DENND5B: variants seen among roughly 807,000 people sequenced by gnomAD.
DENND5B encodes the protein DENN domain containing 5B, also known as DENN domain-containing protein 5B.
A neutral mutation model predicts 140.6 loss-of-function variants in DENND5B; 34 were observed. The observed-to-expected ratio is 0.24, with a 90% confidence interval of 0.18 to 0.32. DENND5B has a LOEUF of 0.32. Ranked by LOEUF, DENND5B falls within the 10% of genes least tolerant of loss-of-function variation. DENND5B has a pLI of 1.00. For synonymous variants in DENND5B, 551 were observed against 562.1 expected (o/e 0.98, Z 0.28); for missense variants, 1,142 against 1,560.2 (o/e 0.73, Z 4.52).
intron 1 of DENND5B, among the ~76,000 whole-genome samples, chr12:31,521,273 G>GGGTGT (rs571378374): frequency 6.6e-6 from 1 of 151,854 alleles, no homozygotes; most frequent in Non-Finnish European, 1.5e-5. Flanking sequence ...ACATTCTGTG[G>GGGTGT]GGTGTGCAGA....
intron 1 of DENND5B, among the ~76,000 whole-genome samples, chr12:31,576,156 A>AAAAAAAG (rs1555176281): frequency 6.1e-5 from 8 of 131,178 alleles, no homozygotes; most frequent in East Asian, 2.3e-4. Flanking sequence ...AAAAAAAAAA[A>AAAAAAAG]AAGAAGAATG....
intron 6 of DENND5B, among the ~76,000 whole-genome samples, chr12:31,444,694 T>A (rs753649585): frequency 2.6e-5 from 4 of 152,200 alleles, no homozygotes; most frequent in Admixed American, 6.5e-5. Context: ...ATCTAAAAAA[T>A]TCCATCAGGA....
intron 1 of DENND5B, among the ~76,000 whole-genome samples, chr12:31,555,530 G>A (rs562053453): frequency 2.0e-4 from 31 of 152,194 alleles, no homozygotes; most frequent in Admixed American, 5.2e-4. Flanking sequence ...CAGTCTGCCC[G>A]TTCTCAGATC....
intron 3 of DENND5B, among the ~76,000 whole-genome samples, chr12:31,463,961 C>T (rs913468987): frequency 3.3e-5 from 5 of 152,160 alleles, no homozygotes; most frequent in Non-Finnish European, 1.5e-5. Context: ...AGCCACTGTG[C>T]CCAGCCCACA....
intron 11 of DENND5B, 108 bp from the exon 12 acceptor site, chr12:31,415,556 T>A: frequency 1.1e-6 from 1 of 870,452 alleles, no homozygotes; most frequent in South Asian, 1.7e-5. Context: ...TAACAATATA[T>A]ATCATCTAGC....
chr12:31,570,420 A>G (rs1179461540), intron 1 of DENND5B, among the ~76,000 whole-genome samples: 1 of 150,724 alleles, frequency 6.6e-6, no homozygotes, highest in Non-Finnish European at 1.5e-5. Context: ...CTGAGACTAC[A>G]GGCGCCCGCC....
intron 3 of DENND5B, among the ~76,000 whole-genome samples, chr12:31,467,259 A>G (rs969776577): frequency 2.0e-4 from 30 of 152,160 alleles, no homozygotes; most frequent in African/African-American, 6.8e-4. Context: ...AACTTCTAAG[A>G]ACACATGTTA....
intron 1 of DENND5B, among the ~76,000 whole-genome samples, chr12:31,497,885 AGGGAGGGGCAAG>A (rs1346410982): frequency 3.3e-5 from 1 of 30,722 alleles, no homozygotes; most frequent in Non-Finnish European, 5.5e-5. Flanking sequence ...TGGAGGGGGC[AGGGAGGGGCAAG>A]GGGAGGGGTA....
At chr12:31,503,588 A>G (rs939425119) in intron 1 of DENND5B, among the ~76,000 whole-genome samples, 1 of 152,174 alleles carries the variant, frequency 6.6e-6, no homozygotes, top group African/African-American at 2.4e-5. Context: ...CTTCCACAAA[A>G]TGAGATGCAA....
chr12:31,446,055 T>A (rs1001216476), intron 6 of DENND5B, among the ~76,000 whole-genome samples: 9 of 152,034 alleles, frequency 5.9e-5, no homozygotes, highest in African/African-American at 2.2e-4. Context: ...ATGACTGACA[T>A]AGTAAATACT....
chr12:31,449,414 T>A (rs1018255491), intron 5 of DENND5B, among the ~76,000 whole-genome samples: 1 of 152,194 alleles, frequency 6.6e-6, no homozygotes, highest in African/African-American at 2.4e-5. Flanking sequence ...TTTTCATACA[T>A]CAAATAGCCT....
At chr12:31,395,505 A>C (rs1446672492) in intron 17 of DENND5B, among the ~76,000 whole-genome samples, 1 of 152,188 alleles carries the variant, frequency 6.6e-6, no homozygotes, top group Non-Finnish European at 1.5e-5. Flanking sequence ...AGGCAGGAGA[A>C]TCGCTTGAAC....
intron 1 of DENND5B, among the ~76,000 whole-genome samples, chr12:31,586,003 T>C (rs574475906): frequency 2.6e-5 from 4 of 152,342 alleles, no homozygotes; most frequent in Admixed American, 6.5e-5. Context: ...GTGTACTGTA[T>C]ATAAGGTACT....
At chr12:31,406,488 C>G (rs1436126958) in intron 14 of DENND5B, among the ~76,000 whole-genome samples, 1 of 152,116 alleles carries the variant, frequency 6.6e-6, no homozygotes, top group Non-Finnish European at 1.5e-5. Flanking sequence ...GTTTAGTAAT[C>G]ATCAGAATCA....
intron 3 of DENND5B, among the ~76,000 whole-genome samples, chr12:31,464,434 T>C (rs1229247030): frequency 6.6e-6 from 1 of 152,210 alleles, no homozygotes; most frequent in Non-Finnish European, 1.5e-5. Context: ...CAGTACCCTA[T>C]CTTTATTTCC....
At chr12:31,451,837 T>C (rs1327295081) in intron 5 of DENND5B, 103 bp downstream of exon 5, 4 of 1,355,052 alleles carry the variant, frequency 3.0e-6, no homozygotes, top group South Asian at 1.4e-5. Flanking sequence ...AAATCAATAA[T>C]ATATGGGTAA....
In DENND5B at chr12:31,471,461, A is replaced by ATTTTTTTT. The variant is rs747862984; in HGVS notation, c.904+8120_904+8127dup. ...TACAATCGCACACCACCATGCCTGT[A>ATTTTTTTT]TTTTTTTTTTTTTTTTTTTTGTAGA... On this transcript the variant is annotated intron_variant, in intron 3 of 20. Transcript: ENST00000389082. 8.9e-5 allele frequency among the ~76,000 whole-genome samples: 10 copies of ATTTTTTTT among 111,934 alleles called. 1 individual carries two copies. Among genetic ancestry groups the ATTTTTTTT allele is most frequent in the African/African-American group, 7.1e-5 (2 of 28,212 alleles). 73.4% of individuals were successfully genotyped at this position (111,934 alleles called of 152,430 possible).
At chr12:31,513,784 G>A (rs1240806673) in intron 1 of DENND5B, among the ~76,000 whole-genome samples, 10 of 151,538 alleles carry the variant, frequency 6.6e-5, no homozygotes, top group Admixed American at 6.6e-4. Flanking sequence ...TTGGAAAATG[G>A]TATTAGAAAT....
At chr12:31,491,720 GA>G (rs773058399) in intron 2 of DENND5B, among the ~76,000 whole-genome samples, 5 of 151,764 alleles carry the variant, frequency 3.3e-5, no homozygotes, top group South Asian at 2.1e-4. Flanking sequence ...AGCAACTGAG[GA>G]AAAAAAACTA....
Sources: allele counts gnomAD v4.1 joint callset (sites outside exome capture counted in the v4.1 genomes callset), GRCh38; gene constraint gnomAD v4.1.1; transcripts MANE v1.5; gene names NCBI Gene and HGNC (gene_info 2026-07-23, HGNC 2026-07-21).